The following ADAMDEC1 variants were observed in gnomAD, a reference collection of about 807,000 sequenced individuals.
The protein encoded by ADAMDEC1 is ADAM like decysin 1.
A neutral mutation model predicts 60.4 loss-of-function variants in ADAMDEC1; 62 were observed. The observed-to-expected ratio is 1.03, with a 90% CI of 0.84 to 1.27. The LOEUF (loss-of-function observed/expected upper bound fraction) is 1.27, where lower values mean the gene tolerates loss of function less well. Among genes scored for constraint, ADAMDEC1 ranks in the 50% most tolerant of loss-of-function variants. ADAMDEC1 has a pLI of 0.00. For synonymous variants in ADAMDEC1, 210 were observed against 195.1 expected (o/e 1.08, Z -0.64); for missense variants, 595 against 565.0 (o/e 1.05, Z -0.54).
chr8:24,385,540 A>G (rs1052405147), intron 1 of ADAMDEC1, among the ~76,000 whole-genome samples: 2 of 152,226 alleles, frequency 1.3e-5, no homozygotes, highest in Non-Finnish European at 2.9e-5. Flanking sequence ...GCTTATAGTC[A>G]ACACTTTGTA....
In ADAMDEC1 at chr8:24,400,383, T is replaced by C. The variant is rs555841858; in HGVS notation, c.1142+83T>C. The C allele has an allele frequency of 1.4e-5, 19 of 1,366,076 alleles. No individual in the cohort carries two copies. In the East Asian group the frequency reaches 2.5e-4, roughly 18 times the overall value. The allele number at this position is 1,366,076 out of a possible 1,614,324, so 84.6% of individuals were successfully genotyped here. On this transcript the variant is annotated intron_variant, in intron 11 of 13. Transcript: ENST00000256412. ...AAGACACATATTATTCTCTATTGTT[T>C]AATTAAATATTAGATCTTGTGTTGT... is the stretch of plus-strand genomic sequence containing the variant.
intron 4 of ADAMDEC1, 73 bp downstream of exon 4, chr8:24,394,220 T>A (rs2129359473): frequency 8.6e-7 from 1 of 1,159,822 alleles, no homozygotes; most frequent in Non-Finnish European, 1.3e-6. Context: ...TTAACTAAGA[T>A]CTCCAAAGGG....
At chr8:24,394,910 C>T (rs2129359714) in intron 4 of ADAMDEC1, among the ~76,000 whole-genome samples, 1 of 152,302 alleles carries the variant, frequency 6.6e-6, no homozygotes, top group East Asian at 1.9e-4. Context: ...GGAATCTTCT[C>T]AAGTCTTCTA....
Position 24,399,420 on chromosome 8 carries a change from G to T in ADAMDEC1, c.957G>T (p.Val319=), listed in dbSNP as rs1415275690. The T allele has an allele frequency of 4.3e-6, 7 of 1,613,792 alleles. No individual in the cohort carries two copies. Among genetic ancestry groups the T allele is most frequent in the Non-Finnish European group, 5.9e-6 (7 of 1,179,896 alleles). The part of the protein sequence containing the change: ...LSGISFNNRR[V]GLAASNSLCS... ...GGATTAGCTTCAACAATCGACGTGT[G>T]GGACTGGCAGCTTCAAATTCCTTGT... is the stretch of plus-strand genomic sequence containing the variant. Residue 319 remains valine (V), a synonymous_variant, in exon 10 of 14, where the codon GTG becomes GTT. Coordinates refer to ENST00000256412, the MANE Select transcript of ADAMDEC1 (RefSeq NM_014479.3).
At chr8:24,399,530 C>G in intron 10 of ADAMDEC1, 56 bp downstream of exon 10, 1 of 1,340,182 alleles carries the variant, frequency 7.5e-7, no homozygotes, top group East Asian at 2.3e-5. Context: ...TGAAGGCCAG[C>G]ATAACACCTT....
In ADAMDEC1 at chr8:24,392,276, C is replaced by A. The variant is rs772783115; in HGVS notation, c.103C>A (p.Gln35Lys). The A allele has an allele frequency of 6.2e-7, 1 of 1,608,572 alleles. No homozygotes were observed. Among genetic ancestry groups the A allele is most frequent in the Non-Finnish European group, 8.5e-7 (1 of 1,177,578 alleles). ...TCTTTCTCTAGCAATAGCCATAAAG[C>A]AAACACCTGAATTAACGCTCCATGA... ...IVQTQAIAIK[Q>K]TPELTLHEIV... Residue 35 changes from glutamine (Q) to lysine (K), a missense_variant, in exon 2 of 14, where the codon CAA becomes AAA. Physicochemically the swap from Gln to Lys is moderately conservative, Grantham distance 53 (BLOSUM62 1). Transcript: ENST00000256412.
intron 5 of ADAMDEC1, among the ~76,000 whole-genome samples, chr8:24,397,039 G>A (rs1159414708): frequency 1.3e-5 from 2 of 152,200 alleles, no homozygotes; most frequent in Admixed American, 6.5e-5. Context: ...CTTTGGGGTT[G>A]CTTCATCTTT....
intron 1 of ADAMDEC1, 98 bp downstream of exon 1, chr8:24,384,690 G>A (rs1018386313): frequency 1.1e-5 from 12 of 1,094,308 alleles, no homozygotes; most frequent in East Asian, 5.3e-5. Context: ...TTTTATGGTC[G>A]AAAGACCATT....
At chr8:24,400,067 CT>C in intron 10 of ADAMDEC1, 102 bp from the exon 11 acceptor site, 1 of 942,278 alleles carries the variant, frequency 1.1e-6, no homozygotes, top group South Asian at 2.5e-5. Flanking sequence ...GGGAAAGGAG[CT>C]AACAATTCAC....
chr8:24,393,143 A>T, intron 2 of ADAMDEC1, 119 bp from the exon 3 acceptor site: 1 of 594,014 alleles, frequency 1.7e-6, no homozygotes, highest in Non-Finnish European at 2.8e-6. Context: ...TTAAAAACAC[A>T]AAAGAATTGC....
chr8:24,405,316 A>C lies in ADAMDEC1; in HGVS notation c.*18A>C, dbSNP rs945563841. ...GAGAGTGAATCCAAAAGTCTGCTTC[A>C]CTGAGATGCTACCTTGCCAGGACAA... On this transcript the variant is annotated 3_prime_UTR_variant, in exon 14 of 14. Transcript: ENST00000256412. The C allele has an allele frequency of 3.1e-6, 5 of 1,612,368 alleles. No individual in the cohort carries two copies. In the African/African-American group the frequency reaches 4.0e-5, roughly 13 times the overall value.
In ADAMDEC1 at chr8:24,394,156, C is replaced by T. The variant is rs372867862; in HGVS notation, c.363+9C>T. On this transcript the variant is annotated intron_variant, in intron 4 of 13. Transcript: ENST00000256412. ...CGAAACCTGAGAACATGGTAGGGTC[C>T]GAATACTTTGTGGGTCTCTTTTGAG... is the stretch of plus-strand genomic sequence containing the variant. 6.3e-6 allele frequency: 10 copies of T among 1,598,974 alleles called. No homozygotes were observed. Among genetic ancestry groups the T allele is most frequent in the African/African-American group, 2.7e-5 (2 of 74,512 alleles).
chr8:24,392,885 GGTTTTTT>G lies in ADAMDEC1; in HGVS notation c.208-376_208-370del, dbSNP rs1256444181. Reference sequence around the variant, plus strand: ...TTACCTAATTCTTAGTGGGTTGAGAGGTTTTTTTTTTTTTTTTTTTTTTTTTTAGTAT... The same window carrying G: ...TTACCTAATTCTTAGTGGGTTGAGAGTTTTTTTTTTTTTTTTTTTTAGTAT... On this transcript the variant is annotated intron_variant, in intron 2 of 13. Transcript: ENST00000256412. Among the ~76,000 whole-genome samples, 570 of 85,968 alleles carry G rather than the reference GGTTTTTT, an allele frequency of 6.6e-3. 4 individuals are homozygous for G. Among genetic ancestry groups the G allele is most frequent in the African/African-American group, 0.018 (535 of 29,106 alleles). 56.4% of individuals were successfully genotyped at this position (85,968 alleles called of 152,430 possible). A position where few individuals can be genotyped will look rare whatever the true frequency, so the allele number is the denominator to read the frequency against.
In ADAMDEC1 at chr8:24,392,899, T is replaced by G. The variant is rs555520383; in HGVS notation, c.208-363T>G. On this transcript the variant is annotated intron_variant, in intron 2 of 13. Coordinates refer to ENST00000256412, the MANE Select transcript of ADAMDEC1 (RefSeq NM_014479.3). ...GTGGGTTGAGAGGTTTTTTTTTTTT[T>G]TTTTTTTTTTTTTAGTATTTAATTT... 5.3e-4 allele frequency among the ~76,000 whole-genome samples: 78 copies of G among 147,532 alleles called. 2 individuals carry two copies. The highest frequency in any genetic ancestry group is 3.7e-3 in the Admixed American group (55 of 14,780).
At position 24,400,151 on chromosome 8, in the gene ADAMDEC1, A is replaced by C; in HGVS notation, c.1012-19A>C. The C allele has an allele frequency of 6.6e-7, 1 of 1,514,724 alleles. No individual in the cohort carries two copies. The highest frequency in any genetic ancestry group is 8.8e-7 in the Non-Finnish European group (1 of 1,131,654). 93.8% of individuals were successfully genotyped at this position (1,514,724 alleles called of 1,614,324 possible). A position where few individuals can be genotyped will look rare whatever the true frequency, so the allele number is the denominator to read the frequency against. ...AATTAAATAAAAAAAGAATAAATAA[A>C]TATATCTACTTTTTCCAGGCTAAAA... is the stretch of plus-strand genomic sequence containing the variant. On this transcript the variant is annotated intron_variant, in intron 10 of 13. Transcript: ENST00000256412.
chr8:24,390,059 T>C, intron 1 of ADAMDEC1: 2 of 416,842 alleles, frequency 4.8e-6, no homozygotes, highest in East Asian at 7.2e-5. Flanking sequence ...TAATATCATT[T>C]CCCAATAGAA....
rs1817245823 is a variant in ADAMDEC1 at position 24,384,570 on chromosome 8, T to C, written c.66T>C (p.Leu22=). ...TGTCTTGGGTCCTGCTGCCTGTACT[T>C]TGGCTCATTGTTCAAACTCAAGGTA... The part of the protein sequence containing the change: ...ATMSWVLLPV[L]WLIVQTQAIA... The change falls in exon 1 of 14, where the codon CTT becomes CTC. Residue 22 remains leucine, a synonymous_variant. Coordinates refer to ENST00000256412, the MANE Select transcript of ADAMDEC1 (RefSeq NM_014479.3). The C allele has an allele frequency of 6.2e-7, 1 of 1,610,976 alleles. No homozygotes were observed. The highest frequency in any genetic ancestry group is 8.5e-7 in the Non-Finnish European group (1 of 1,178,612).
chr8:24,396,239 G>A (rs747412829), intron 5 of ADAMDEC1, among the ~76,000 whole-genome samples: 1 of 152,194 alleles, frequency 6.6e-6, no homozygotes, highest in African/African-American at 2.4e-5. Flanking sequence ...GGCCGGGTGC[G>A]GTGGCTCACG....
At chr8:24,401,831 C>T (rs1043102631) in intron 11 of ADAMDEC1, 84 bp from the exon 12 acceptor site, 21 of 1,175,736 alleles carry the variant, frequency 1.8e-5, no homozygotes, top group African/African-American at 7.7e-5. Context: ...ATCAGAGTCT[C>T]GTGTTTCTTT....
Sources: gnomAD v4.1 joint callset for allele counts (sites outside exome capture counted in the v4.1 genomes callset) on GRCh38, gnomAD v4.1.1 for gene constraint, MANE v1.5 for transcripts, NCBI Gene and HGNC (gene_info 2026-07-23, HGNC 2026-07-21) for gene names.